Variants in BMPR1B observed in about 807,000 individuals in gnomAD.
The protein encoded by BMPR1B is bone morphogenetic protein receptor type-1B.
Under a neutral mutation model 59.1 loss-of-function variants are expected in BMPR1B, and 12 were observed. The observed-to-expected ratio is 0.20, with a 90% CI of 0.13 to 0.33. BMPR1B has a LOEUF of 0.33. BMPR1B is among the 10% of genes least tolerant of loss of function. BMPR1B has a pLI of 1.00. For missense variants in BMPR1B, 550 were observed against 610.9 expected (o/e 0.90, Z 1.05); for synonymous variants, 237 against 207.3 (o/e 1.14, Z -1.23).
At chr4:94,796,385 A>G (rs1424310816) in intron 1 of BMPR1B, among the ~76,000 whole-genome samples, 2 of 152,244 alleles carry the variant, frequency 1.3e-5, no homozygotes, top group Non-Finnish European at 2.9e-5. Context: ...TAGACTTTGT[A>G]AAATCACAGA....
At position 94,959,587 on chromosome 4, in the gene BMPR1B, G is replaced by A. The variant is rs139226607; in HGVS notation, c.-112-36453G>A. 2.4e-3 allele frequency among the ~76,000 whole-genome samples: 361 copies of A among 152,134 alleles called. 3 individuals carry two copies. The highest frequency in any genetic ancestry group is 8.4e-3 in the African/African-American group (350 of 41,532). On this transcript the variant is annotated intron_variant, in intron 2 of 12. Transcript: ENST00000515059. ...TATTTTTACCATTATTATTGTCTGA[G>A]CCACATTGGCTATCTTTATAAGGAC...
chr4:95,056,733 A>G (rs150545569), intron 3 of BMPR1B, among the ~76,000 whole-genome samples: 203 of 152,312 alleles, frequency 1.3e-3, no homozygotes, highest in African/African-American at 4.5e-3. Context: ...CTCCTGACTC[A>G]TCTTGCAGCT....
chr4:94,796,033 C>T (rs1031799689), intron 1 of BMPR1B, among the ~76,000 whole-genome samples: 2 of 151,276 alleles, frequency 1.3e-5, no homozygotes, highest in Admixed American at 6.6e-5. Context: ...GATGCAATCT[C>T]GGCTTACTGC....
At chr4:95,112,410 C>G (rs568601358) in intron 4 of BMPR1B, among the ~76,000 whole-genome samples, 1 of 152,102 alleles carries the variant, frequency 6.6e-6, no homozygotes, top group Non-Finnish European at 1.5e-5. Context: ...TTAGCTTTGA[C>G]TGCGGAACAT....
intron 2 of BMPR1B, among the ~76,000 whole-genome samples, chr4:94,990,879 G>C (rs1003244449): frequency 3.9e-5 from 6 of 152,076 alleles, no homozygotes; most frequent in African/African-American, 1.2e-4. Flanking sequence ...CGAACTTTTT[G>C]AAAGAGTGAC....
rs1265827052 is a variant in BMPR1B at position 95,158,237 on chromosome 4, A to G, written c.*3564A>G. 1 of 152,112 alleles carries G rather than the reference A, an allele frequency of 6.6e-6. No homozygotes were observed. The highest frequency in any genetic ancestry group is 1.5e-5 in the Non-Finnish European group (1 of 67,998). 9.4% of individuals were successfully genotyped at this position (152,112 alleles called of 1,614,324 possible). A position where few individuals can be genotyped will look rare whatever the true frequency, so the allele number is the denominator to read the frequency against. ...AAAAAAACAATGCCATATTTTTTGG[A>G]GAAAAGTTGGCAATATAGGGGTTTC... On this transcript the variant is annotated 3_prime_UTR_variant, in exon 13 of 13. Coordinates refer to ENST00000515059, the MANE Select transcript of BMPR1B (RefSeq NM_001203.3).
intron 1 of BMPR1B, among the ~76,000 whole-genome samples, chr4:94,810,231 T>TA (rs1453849747): frequency 1.3e-5 from 2 of 152,224 alleles, no homozygotes; most frequent in African/African-American, 4.8e-5. Flanking sequence ...TGTTTTTTGT[T>TA]AGAGACGTGC....
chr4:95,061,160 AACACACACACACACAC>A (rs58119571), intron 3 of BMPR1B, among the ~76,000 whole-genome samples: 66 of 142,668 alleles, frequency 4.6e-4, no homozygotes, highest in African/African-American at 1.3e-3. Context: ...ATTTAGAATA[AACACACACACACACAC>A]ACACACACAC....
At chr4:95,122,894 C>G (rs1027506477) in intron 6 of BMPR1B, among the ~76,000 whole-genome samples, 1 of 152,126 alleles carries the variant, frequency 6.6e-6, no homozygotes, top group Admixed American at 6.6e-5. Context: ...AGTAATCACT[C>G]TCTCAAAGGT....
chr4:94,855,080 C>T (rs2148950741), intron 1 of BMPR1B, among the ~76,000 whole-genome samples: 1 of 152,034 alleles, frequency 6.6e-6, no homozygotes, highest in East Asian at 1.9e-4. Context: ...TTCTAACAAA[C>T]CACTGTGGAT....
At chr4:94,803,714 A>G (rs200942106) in intron 1 of BMPR1B, among the ~76,000 whole-genome samples, 1 of 152,112 alleles carries the variant, frequency 6.6e-6, no homozygotes, top group Non-Finnish European at 1.5e-5. Flanking sequence ...TTGATGCAGT[A>G]TCTTATTTTC....
intron 3 of BMPR1B, among the ~76,000 whole-genome samples, chr4:95,019,555 A>G (rs919599118): frequency 5.3e-5 from 8 of 152,204 alleles, no homozygotes; most frequent in Non-Finnish European, 1.2e-4. Flanking sequence ...TCACTGTATT[A>G]GTAGTTTTGA....
intron 3 of BMPR1B, among the ~76,000 whole-genome samples, chr4:95,042,482 A>T (rs1725730716): frequency 6.6e-6 from 1 of 152,200 alleles, no homozygotes; most frequent in Non-Finnish European, 1.5e-5. Flanking sequence ...GGTGCATGTG[A>T]AACATAAATG....
At chr4:95,137,926 T>A (rs1044714823) in intron 10 of BMPR1B, among the ~76,000 whole-genome samples, 1 of 152,214 alleles carries the variant, frequency 6.6e-6, no homozygotes, top group Non-Finnish European at 1.5e-5. Context: ...AATATTGTTA[T>A]GTGTGAGTTT....
chr4:95,033,092 GT>G lies in BMPR1B; in HGVS notation c.-18+36960del, dbSNP rs1724996030. 2.0e-5 allele frequency among the ~76,000 whole-genome samples: 3 copies of G among 152,124 alleles called. 1 individual carries two copies. The South Asian group carries it at 6.2e-4, about 31-fold the overall frequency. On this transcript the variant is annotated intron_variant, in intron 3 of 12. Transcript: ENST00000515059. ...AGTGACTTTCGTGAGCATATTGGCA[GT>G]TCTTATATCTTCCTAAGAGAAATGT...
At chr4:95,102,555 A>T (rs1433473397) in intron 3 of BMPR1B, among the ~76,000 whole-genome samples, 1 of 152,196 alleles carries the variant, frequency 6.6e-6, no homozygotes, top group African/African-American at 2.4e-5. Context: ...GAGGTGACTC[A>T]GGTCATAAAG....
intron 1 of BMPR1B, among the ~76,000 whole-genome samples, chr4:94,874,314 T>C (rs552581728): frequency 4.5e-4 from 69 of 152,266 alleles, no homozygotes; most frequent in African/African-American, 1.3e-3. Flanking sequence ...TTGGATTATA[T>C]ATCCAACAGT....
At position 95,132,240 on chromosome 4, in the gene BMPR1B, G is replaced by A. The variant is rs565477869; in HGVS notation, c.1076+728G>A. Among the ~76,000 whole-genome samples, 41 of 152,228 alleles carry A rather than the reference G, an allele frequency of 2.7e-4. No homozygotes were observed. The South Asian group carries it at 6.6e-3, about 25-fold the overall frequency. On this transcript the variant is annotated intron_variant, in intron 10 of 12. Transcript: ENST00000515059. ...AAACCACTGGTGTAGAGAAATCATC[G>A]TATAACTACCTTTTAAAGAACTCAG...
At chr4:95,045,497 G>A (rs762224376) in intron 3 of BMPR1B, among the ~76,000 whole-genome samples, 16 of 152,068 alleles carry the variant, frequency 1.1e-4, no homozygotes, top group Non-Finnish European at 1.9e-4. Flanking sequence ...CGAGCTTCTC[G>A]TGTTCTCTGC....
Sources: gnomAD v4.1 joint callset for allele counts (sites outside exome capture counted in the v4.1 genomes callset) on GRCh38, gnomAD v4.1.1 for gene constraint, MANE v1.5 for transcripts, NCBI Gene and HGNC (gene_info 2026-07-23, HGNC 2026-07-21) for gene names.